FBXW7: variants seen among roughly 807,000 people sequenced by gnomAD.
FBXW7 encodes F-box/WD repeat-containing protein 7.
FBXW7 carries 11 observed loss-of-function variants against 86.3 expected under a neutral mutation model. That is an observed-to-expected ratio of 0.13 (90% confidence interval 0.08 to 0.21). The LOEUF is 0.21. Ranked by LOEUF, FBXW7 falls within the 10% of genes least tolerant of loss-of-function variation. FBXW7 has a pLI of 1.00. For synonymous variants in FBXW7, 313 were observed against 297.9 expected (o/e 1.05, Z -0.52); for missense variants, 488 against 847.4 (o/e 0.58, Z 5.27).
intron 2 of FBXW7, among the ~76,000 whole-genome samples, chr4:152,469,165 T>C (rs1265161570): frequency 6.6e-6 from 1 of 152,078 alleles, no homozygotes; most frequent in African/African-American, 2.4e-5. Flanking sequence ...CTATTGACTA[T>C]ATTAAAAACA....
intron 2 of FBXW7, among the ~76,000 whole-genome samples, chr4:152,443,155 G>A (rs1741061590): frequency 6.6e-6 from 1 of 152,060 alleles, no homozygotes; most frequent in African/African-American, 2.4e-5. Context: ...CCAGCTACTC[G>A]GGAGGCAGAG....
rs1560865017 is a variant in FBXW7 at position 152,411,779 on chromosome 4, C to T, written c.25G>A (p.Gly9Ser). The part of the protein sequence containing the change: MNQELLSV[G>S]SKRRRTGGSL... ...CCTCCAGTTCGTCGTCTTTTGCTGC[C>T]CACAGAGAGCAGTTCCTGATTCATT... is the stretch of plus-strand genomic sequence containing the variant. Residue 9 changes from glycine (G) to serine (S), a missense_variant, in exon 4 of 14, where the codon GGC becomes AGC. Around this residue, in one of 4 missense-constraint regions of FBXW7, gnomAD observed 230 missense variants for 240.0 expected, o/e 0.96. Transcript: ENST00000281708. 2 of 1,612,304 alleles carry T rather than the reference C, an allele frequency of 1.2e-6. No individual in the cohort carries two copies. Among genetic ancestry groups the T allele is most frequent in the Admixed American group, 1.7e-5 (1 of 59,716 alleles).
chr4:152,418,734 T>C lies in FBXW7; in HGVS notation c.-119-6205A>G, dbSNP rs921106131. On this transcript the variant is annotated intron_variant, in intron 2 of 13. Transcript: ENST00000281708. ...ACTCACAGAAAAACAGTGAACATTA[T>C]GCTGCAGCAATTTCTCGCACATATG... is the stretch of plus-strand genomic sequence containing the variant. Among the ~76,000 whole-genome samples the C allele has an allele frequency of 4.6e-5, 7 of 152,208 alleles. No individual in the cohort carries two copies. In the South Asian group the frequency reaches 1.4e-3, roughly 31 times the overall value.
At chr4:152,518,515 T>G (rs1748715707) in intron 2 of FBXW7, among the ~76,000 whole-genome samples, 1 of 152,194 alleles carries the variant, frequency 6.6e-6, no homozygotes, top group African/African-American at 2.4e-5. Context: ...CAGGCTGGTC[T>G]CCAACTCCCG....
chr4:152,433,975 G>A (rs577528717), intron 2 of FBXW7, among the ~76,000 whole-genome samples: 1 of 152,252 alleles, frequency 6.6e-6, no homozygotes, highest in African/African-American at 2.4e-5. Context: ...CAGCACAGGT[G>A]CACTTATACG....
intron 2 of FBXW7, among the ~76,000 whole-genome samples, chr4:152,498,272 G>C (rs1746561551): frequency 7.0e-6 from 1 of 143,438 alleles, no homozygotes; most frequent in African/African-American, 2.8e-5. Flanking sequence ...AAGCATGAGA[G>C]AAATAGAAGG....
intron 4 of FBXW7, among the ~76,000 whole-genome samples, chr4:152,372,750 T>G (rs1222511265): frequency 6.6e-6 from 1 of 152,026 alleles, no homozygotes; most frequent in Non-Finnish European, 1.5e-5. Flanking sequence ...ATTTACAAAT[T>G]TAAATAGCCT....
At chr4:152,409,688 A>G (rs528587375) in intron 4 of FBXW7, among the ~76,000 whole-genome samples, 2 of 151,294 alleles carry the variant, frequency 1.3e-5, no homozygotes, top group East Asian at 3.9e-4. Context: ...AATATATCAA[A>G]AACTATACAT....
rs148426784 is a variant in FBXW7, at chr4:152,378,725, G to A, written c.502-28601C>T. ...TCTTTCAACATACACTTATTATGCC[G>A]GGCATGGTGGTTCATGCCTGTAGTC... On this transcript the variant is annotated intron_variant, in intron 4 of 13. Coordinates refer to ENST00000281708, the MANE Select transcript of FBXW7 (RefSeq NM_001349798.2). Among the ~76,000 whole-genome samples, 736 of 152,170 alleles carry A rather than the reference G, an allele frequency of 4.8e-3. 7 individuals carry two copies. Among genetic ancestry groups the A allele is most frequent in the Middle Eastern group, 0.01 (3 of 294 alleles).
chr4:152,323,659 T>C (rs1265158119), intron 13 of FBXW7: 1 of 169,592 alleles, frequency 5.9e-6, no homozygotes, highest in East Asian at 1.6e-4. Flanking sequence ...ATAGAAAAAG[T>C]TAATCATGAG....
chr4:152,415,425 T>C (rs968165725), intron 2 of FBXW7, among the ~76,000 whole-genome samples: 1 of 152,114 alleles, frequency 6.6e-6, no homozygotes, highest in Admixed American at 6.6e-5. Context: ...GTACTGATCA[T>C]CAGGAAGAAT....
intron 2 of FBXW7, among the ~76,000 whole-genome samples, chr4:152,447,502 C>A (rs528271315): frequency 1.3e-5 from 2 of 152,214 alleles, no homozygotes; most frequent in South Asian, 4.1e-4. Flanking sequence ...TTACAGTTAG[C>A]AATATTCCTA....
At chr4:152,466,948 A>G (rs1743510214) in intron 2 of FBXW7, among the ~76,000 whole-genome samples, 1 of 152,196 alleles carries the variant, frequency 6.6e-6, no homozygotes, top group Non-Finnish European at 1.5e-5. Flanking sequence ...TCTCAAAATA[A>G]TAATAATAAT....
chr4:152,409,967 A>G (rs1737784945), intron 4 of FBXW7, among the ~76,000 whole-genome samples: 2 of 152,202 alleles, frequency 1.3e-5, no homozygotes, highest in Admixed American at 6.5e-5. Context: ...TACATCTTGA[A>G]GGTAAAGAAA....
At chr4:152,353,208 C>A (rs36013686) in intron 4 of FBXW7, among the ~76,000 whole-genome samples, 15 of 152,070 alleles carry the variant, frequency 9.9e-5, no homozygotes, top group East Asian at 1.9e-4. Context: ...GTCATCCTAC[C>A]GTAGTCCTGG....
chr4:152,484,798 C>T (rs937598576), intron 2 of FBXW7, among the ~76,000 whole-genome samples: 3 of 151,922 alleles, frequency 2.0e-5, no homozygotes, highest in Non-Finnish European at 4.4e-5. Context: ...CCTGTCTCTA[C>T]TAAAAATACA....
At chr4:152,523,068 A>G (rs1383256116) in intron 2 of FBXW7, among the ~76,000 whole-genome samples, 1 of 152,266 alleles carries the variant, frequency 6.6e-6, no homozygotes, top group Non-Finnish European at 1.5e-5. Flanking sequence ...AAGATAAATT[A>G]ACAAGCATTT....
At chr4:152,338,775 C>T (rs1466565427) in intron 6 of FBXW7, among the ~76,000 whole-genome samples, 1 of 152,138 alleles carries the variant, frequency 6.6e-6, no homozygotes, top group African/African-American at 2.4e-5. Context: ...ATTTAATTAA[C>T]CTCATAATAC....
At chr4:152,439,029 T>C (rs1413619499) in intron 2 of FBXW7, among the ~76,000 whole-genome samples, 5 of 152,212 alleles carry the variant, frequency 3.3e-5, no homozygotes, top group Non-Finnish European at 7.3e-5. Context: ...TAGTAAAGTT[T>C]TAAAGCCAGC....
Sources: gnomAD v4.1 joint callset for allele counts (sites outside exome capture counted in the v4.1 genomes callset) on GRCh38, gnomAD v4.1.1 for gene constraint, gnomAD v4.1.1 regional missense constraint, MANE v1.5 for transcripts, NCBI Gene and HGNC (gene_info 2026-07-23, HGNC 2026-07-21) for gene names.